The following CPA6 variants were observed in gnomAD, a reference collection of about 807,000 sequenced individuals.
CPA6 encodes carboxypeptidase A6.
A neutral mutation model predicts 63.3 loss-of-function variants in CPA6; 58 were observed. That is an observed-to-expected ratio of 0.92 (90% CI 0.74 to 1.14). The LOEUF (loss-of-function observed/expected upper bound fraction) is 1.14, where lower values mean the gene tolerates loss of function less well. CPA6 is among the 50% of genes most tolerant of loss of function. CPA6 has a pLI of 0.00. For missense variants in CPA6, 565 were observed against 526.6 expected, an observed-to-expected ratio of 1.07 and a Z score of -0.71; for synonymous variants, 185 against 179.0, an observed-to-expected ratio of 1.03 and a Z score of -0.27.
intron 1 of CPA6, among the ~76,000 whole-genome samples, chr8:67,642,791 T>TCACACACACACACACACA (rs1491449674): frequency 1.5e-4 from 13 of 89,432 alleles, no homozygotes; most frequent in African/African-American, 3.8e-4. Flanking sequence ...TGGGCCTTTA[T>TCACACACACACACACACA]CTCACACACA....
chr8:67,686,890 T>C (rs1054088439), intron 1 of CPA6, among the ~76,000 whole-genome samples: 1 of 152,200 alleles, frequency 6.6e-6, no homozygotes, highest in African/African-American at 2.4e-5. Context: ...GACTTTTATA[T>C]GTTCAGCGTG....
chr8:67,458,496 C>G (rs1258105799), intron 8 of CPA6, among the ~76,000 whole-genome samples: 1 of 152,128 alleles, frequency 6.6e-6, no homozygotes, highest in Non-Finnish European at 1.5e-5. Flanking sequence ...TCGTGCCTGG[C>G]CAGCAATCAC....
chr8:67,578,402 A>G (rs1285166044), intron 2 of CPA6, among the ~76,000 whole-genome samples: 1 of 152,204 alleles, frequency 6.6e-6, no homozygotes, highest in African/African-American at 2.4e-5. Context: ...TTCCCAACCC[A>G]TGACTTTTGA....
intron 8 of CPA6, among the ~76,000 whole-genome samples, chr8:67,467,265 C>T (rs990556016): frequency 3.3e-5 from 5 of 152,192 alleles, no homozygotes; most frequent in Non-Finnish European, 5.9e-5. Context: ...TCCAATCTTC[C>T]TGCAAAGCTT....
intron 1 of CPA6, among the ~76,000 whole-genome samples, chr8:67,638,891 G>T (rs1329693897): frequency 6.6e-6 from 1 of 151,306 alleles, no homozygotes. Flanking sequence ...CTTTCCTGGG[G>T]GACCTTAGCC....
At chr8:67,508,698 G>C (rs1349648212) in intron 5 of CPA6, among the ~76,000 whole-genome samples, 1 of 152,126 alleles carries the variant, frequency 6.6e-6, no homozygotes, top group Non-Finnish European at 1.5e-5. Context: ...AGGCTGGTGA[G>C]TCAAAGTCTG....
At chr8:67,474,163 C>T (rs1811122894) in intron 8 of CPA6, among the ~76,000 whole-genome samples, 1 of 152,160 alleles carries the variant, frequency 6.6e-6, no homozygotes, top group African/African-American at 2.4e-5. Flanking sequence ...GAGGTAGAAC[C>T]TAAGTCACAC....
At chr8:67,569,059 G>A (rs963420538) in intron 2 of CPA6, among the ~76,000 whole-genome samples, 3 of 152,122 alleles carry the variant, frequency 2.0e-5, no homozygotes, top group Non-Finnish European at 2.9e-5. Context: ...CAGGAAGAGT[G>A]TTTTTAAAAA....
intron 1 of CPA6, among the ~76,000 whole-genome samples, chr8:67,724,089 C>A (rs1030166870): frequency 3.3e-5 from 5 of 152,072 alleles, no homozygotes; most frequent in African/African-American, 4.8e-5. Context: ...TTTAAAAAAA[C>A]CCAAAAATGA....
At chr8:67,706,707 C>T (rs982335133) in intron 1 of CPA6, among the ~76,000 whole-genome samples, 1 of 152,020 alleles carries the variant, frequency 6.6e-6, no homozygotes, top group African/African-American at 2.4e-5. Flanking sequence ...AGAAGCACAA[C>T]ATAGTTTTCT....
intron 8 of CPA6, among the ~76,000 whole-genome samples, chr8:67,463,180 A>G (rs949845160): frequency 1.3e-5 from 2 of 152,196 alleles, no homozygotes; most frequent in Non-Finnish European, 2.9e-5. Context: ...ACCATGGCTC[A>G]TGCCTGTAAT....
chr8:67,544,030 C>T (rs1453842000), intron 2 of CPA6, among the ~76,000 whole-genome samples: 2 of 152,126 alleles, frequency 1.3e-5, no homozygotes, highest in Admixed American at 6.6e-5. Context: ...TCAAGTGATC[C>T]TCCTGCCTAG....
At chr8:67,577,279 C>CT (rs1158506566) in intron 2 of CPA6, among the ~76,000 whole-genome samples, 10 of 152,138 alleles carry the variant, frequency 6.6e-5, no homozygotes, top group Non-Finnish European at 1.5e-4. Context: ...GATGGTAACT[C>CT]TAAGTGGAAT....
intron 6 of CPA6, among the ~76,000 whole-genome samples, chr8:67,500,216 AATCT>A (rs138660206): frequency 0.03 from 4,516 of 152,208 alleles, 223 homozygotes; most frequent in African/African-American, 0.1. Context: ...TATAGATATA[AATCT>A]ATCTATCTGA....
At chr8:67,725,000 G>T (rs1323511027) in intron 1 of CPA6, among the ~76,000 whole-genome samples, 1 of 152,218 alleles carries the variant, frequency 6.6e-6, no homozygotes. Context: ...TTTAACCACA[G>T]TTGTAATTAA....
intron 1 of CPA6, among the ~76,000 whole-genome samples, chr8:67,722,089 T>C (rs911273095): frequency 2.6e-5 from 4 of 152,254 alleles, no homozygotes; most frequent in African/African-American, 9.6e-5. Flanking sequence ...GACTACAAGG[T>C]AGCACTGGAG....
chr8:67,594,550 G>A (rs577958950), intron 2 of CPA6, among the ~76,000 whole-genome samples: 74 of 152,182 alleles, frequency 4.9e-4, no homozygotes, highest in African/African-American at 1.3e-3. Flanking sequence ...GTCTTTTCAC[G>A]TAGTCCCATA....
chr8:67,605,892 T>C (rs190967121), intron 2 of CPA6, among the ~76,000 whole-genome samples: 53 of 152,168 alleles, frequency 3.5e-4, no homozygotes, highest in African/African-American at 1.3e-3. Flanking sequence ...GCACAGCCAA[T>C]GGATAGGAAG....
intron 8 of CPA6, among the ~76,000 whole-genome samples, chr8:67,450,698 A>G (rs909347305): frequency 1.3e-5 from 2 of 152,164 alleles, no homozygotes; most frequent in Admixed American, 6.5e-5. Context: ...CCTTGTATCT[A>G]TTGGCTGTAT....
Sources: allele counts gnomAD v4.1 joint callset (sites outside exome capture counted in the v4.1 genomes callset), GRCh38; gene constraint gnomAD v4.1.1; transcripts MANE v1.5; gene names NCBI Gene and HGNC (gene_info 2026-07-23, HGNC 2026-07-21).